AFF1: variants seen among roughly 807,000 people sequenced by gnomAD.
AFF1 encodes AF4/FMR2 family member 1.
Under a neutral mutation model 121.7 loss-of-function variants are expected in AFF1, and 48 were observed. The ratio of observed to expected loss-of-function variants is 0.39; its 90% CI spans 0.31 to 0.50. The LOEUF is 0.50. Ranked by LOEUF, AFF1 falls within the 20% of genes least tolerant of loss-of-function variation. The pLI, the probability that AFF1 is intolerant of heterozygous loss-of-function variation, is 0.76. For missense variants in AFF1, 1,523 were observed against 1,511.7 expected (o/e 1.01, Z -0.12); for synonymous variants, 613 against 563.0 (o/e 1.09, Z -1.26).
At chr4:86,952,451 A>G (rs1721418678) in intron 2 of AFF1, among the ~76,000 whole-genome samples, 1 of 152,218 alleles carries the variant, frequency 6.6e-6, no homozygotes, top group South Asian at 2.1e-4. Flanking sequence ...TAGATGAATC[A>G]ATTATATTAG....
chr4:87,019,884 C>CG (rs34782951), intron 2 of AFF1, among the ~76,000 whole-genome samples: 6,425 of 82,442 alleles, frequency 0.078, 264 homozygotes, highest in East Asian at 0.19. Flanking sequence ...CTGAAGGGGT[C>CG]GGGGGGGGGC....
chr4:87,020,703 C>A, intron 2 of AFF1: 1 of 671,358 alleles, frequency 1.5e-6, no homozygotes, highest in Non-Finnish European at 1.8e-6. Flanking sequence ...CCAGGATGTT[C>A]TCAGTCTCCT....
chr4:87,008,124 A>C (rs553857454), intron 2 of AFF1, among the ~76,000 whole-genome samples: 1 of 152,210 alleles, frequency 6.6e-6, no homozygotes, highest in Non-Finnish European at 1.5e-5. Flanking sequence ...ATGAGATCCA[A>C]ACTGTTCTGT....
chr4:86,968,772 G>C (rs969431942), intron 2 of AFF1, among the ~76,000 whole-genome samples: 2 of 152,134 alleles, frequency 1.3e-5, no homozygotes, highest in Non-Finnish European at 2.9e-5. Context: ...AGGGTCTCAG[G>C]GGGACCCTTC....
intron 2 of AFF1, among the ~76,000 whole-genome samples, chr4:86,985,729 T>A (rs970259778): frequency 1.3e-5 from 2 of 151,934 alleles, no homozygotes; most frequent in African/African-American, 4.8e-5. Flanking sequence ...AATCCAGTAG[T>A]TACTTTTGGA....
intron 12 of AFF1, 117 bp from the exon 13 acceptor site, chr4:87,124,920 G>A (rs898793438): frequency 7.0e-5 from 51 of 733,800 alleles, no homozygotes; most frequent in South Asian, 1.5e-4. Flanking sequence ...GTTGCTGTGC[G>A]TACAGAGATG....
At chr4:87,001,207 C>T (rs373654953) in intron 2 of AFF1, among the ~76,000 whole-genome samples, 30 of 60,300 alleles carry the variant, frequency 5.0e-4, no homozygotes, top group South Asian at 1.9e-3. Flanking sequence ...CCTTTTTCTA[C>T]TTTTTTTTTT....
intron 2 of AFF1, among the ~76,000 whole-genome samples, chr4:87,015,338 G>A (rs1727190195): frequency 6.6e-6 from 1 of 152,118 alleles, no homozygotes; most frequent in South Asian, 2.1e-4. Flanking sequence ...GGAAAAATTA[G>A]GCAGTAACAT....
intron 2 of AFF1, among the ~76,000 whole-genome samples, chr4:87,041,108 C>G (rs1730099283): frequency 6.6e-6 from 1 of 152,020 alleles, no homozygotes; most frequent in Non-Finnish European, 1.5e-5. Flanking sequence ...AACTCCTGAC[C>G]TCAAGTGATC....
At chr4:87,060,591 C>T (rs567545068) in intron 4 of AFF1, among the ~76,000 whole-genome samples, 12 of 152,216 alleles carry the variant, frequency 7.9e-5, no homozygotes, top group Non-Finnish European at 1.3e-4. Context: ...GTAATCCCAG[C>T]ATTTTGGGAG....
chr4:86,973,738 CTT>C (rs978136516), intron 2 of AFF1: 1 of 152,040 alleles, frequency 6.6e-6, no homozygotes, highest in Admixed American at 6.6e-5. Context: ...TTTCCTTTCT[CTT>C]TTCTCTTTTC....
intron 2 of AFF1, among the ~76,000 whole-genome samples, chr4:87,032,687 A>G (rs1045602006): frequency 1.3e-5 from 2 of 152,170 alleles, no homozygotes; most frequent in Non-Finnish European, 2.9e-5. Context: ...TTCTCCTTGT[A>G]GCAGTTGTTG....
intron 4 of AFF1, among the ~76,000 whole-genome samples, chr4:87,076,126 G>A (rs1365474113): frequency 2.0e-5 from 3 of 152,120 alleles, no homozygotes; most frequent in Non-Finnish European, 4.4e-5. Flanking sequence ...GGCAGCCAGT[G>A]GTTGTGATGC....
chr4:87,052,532 A>T (rs1193601957), intron 4 of AFF1, among the ~76,000 whole-genome samples: 1 of 152,032 alleles, frequency 6.6e-6, no homozygotes, highest in Admixed American at 6.6e-5. Flanking sequence ...CAGGAGTAAG[A>T]CCATGGAGGC....
At chr4:87,069,487 CTCTTTCCTCTCTCCA>C (rs1320513349) in intron 4 of AFF1, among the ~76,000 whole-genome samples, 1 of 145,108 alleles carries the variant, frequency 6.9e-6, no homozygotes, top group Non-Finnish European at 1.5e-5. Flanking sequence ...TCCTTGCTTT[CTCTTTCCTCTCTCCA>C]TCTTTTCTCT....
intron 12 of AFF1, among the ~76,000 whole-genome samples, chr4:87,116,077 C>G (rs1009937216): frequency 9.2e-5 from 14 of 152,114 alleles, no homozygotes; most frequent in Non-Finnish European, 1.6e-4. Context: ...TCTTTTATAC[C>G]AATATCACAT....
At chr4:87,129,302 G>C (rs949693945) in intron 16 of AFF1, among the ~76,000 whole-genome samples, 3 of 152,188 alleles carry the variant, frequency 2.0e-5, no homozygotes, top group African/African-American at 7.2e-5. Flanking sequence ...TGAGTAGAAA[G>C]GGATGTATTT....
chr4:86,995,293 TCTCC>T (rs1578921223), intron 2 of AFF1, among the ~76,000 whole-genome samples: 1 of 37,062 alleles, frequency 2.7e-5, no homozygotes, highest in African/African-American at 1.4e-4. Flanking sequence ...TCCCTCCCCC[TCTCC>T]CTCCCTCCCC....
intron 2 of AFF1, among the ~76,000 whole-genome samples, chr4:87,001,207 CT>C (rs34072831): frequency 1.4e-3 from 85 of 60,302 alleles, no homozygotes; most frequent in Middle Eastern, 0.021. Flanking sequence ...CCTTTTTCTA[CT>C]TTTTTTTTTT....
Sources: gnomAD v4.1 joint callset for allele counts (sites outside exome capture counted in the v4.1 genomes callset) on GRCh38, gnomAD v4.1.1 for gene constraint, MANE v1.5 for transcripts, NCBI Gene and HGNC (gene_info 2026-07-23, HGNC 2026-07-21) for gene names.